Variants in PXDNL observed in about 807,000 individuals in gnomAD.
The protein encoded by PXDNL is peroxidasin like.
A neutral mutation model predicts 150.8 loss-of-function variants in PXDNL; 145 were observed. The ratio of observed to expected loss-of-function variants is 0.96; its 90% CI spans 0.84 to 1.10. The LOEUF is 1.10. Among genes scored for constraint, PXDNL ranks in the 50% least tolerant of loss-of-function variants. The pLI, the probability that PXDNL is intolerant of heterozygous loss-of-function variation, is 0.00. For synonymous variants in PXDNL, 757 were observed against 725.7 expected, an observed-to-expected ratio of 1.04 and a Z score of -0.69; for missense variants, 2,087 against 1,873.9, an observed-to-expected ratio of 1.11 and a Z score of -2.10.
At position 51,652,462 on chromosome 8, in the gene PXDNL, A is replaced by AAC. The variant is rs376242532; in HGVS notation, c.236+2225_236+2226dup. ...TCTCACACACACACACACACACACA[A>AAC]ACACACACACACACACACACCAACC... On this transcript the variant is annotated intron_variant, in intron 2 of 22. Coordinates refer to ENST00000356297, the MANE Select transcript of PXDNL (RefSeq NM_144651.5). Among the ~76,000 whole-genome samples, 446 of 130,890 alleles carry AAC rather than the reference A, an allele frequency of 3.4e-3. 3 individuals carry two copies. Among genetic ancestry groups the AAC allele is most frequent in the South Asian group, 0.016 (68 of 4,240 alleles). 85.9% of individuals were successfully genotyped at this position (130,890 alleles called of 152,430 possible). A position where few individuals can be genotyped will look rare whatever the true frequency, so the allele number is the denominator to read the frequency against.
chr8:51,642,944 T>A (rs897769853), intron 2 of PXDNL, among the ~76,000 whole-genome samples: 3 of 152,166 alleles, frequency 2.0e-5, no homozygotes, highest in Non-Finnish European at 2.9e-5. Flanking sequence ...CATTCACAAT[T>A]GCTTCAAAGA....
chr8:51,587,633 A>G (rs80044531), intron 3 of PXDNL, among the ~76,000 whole-genome samples: 3,512 of 152,302 alleles, frequency 0.023, 63 homozygotes, highest in African/African-American at 0.049. Context: ...TATGTAATAT[A>G]AATACTTGTA....
At chr8:51,696,377 G>A (rs530918739) in intron 1 of PXDNL, among the ~76,000 whole-genome samples, 1 of 152,298 alleles carries the variant, frequency 6.6e-6, no homozygotes, top group Admixed American at 6.5e-5. Flanking sequence ...GCGGCCGTCT[G>A]CAAGCCAAGA....
At chr8:51,659,859 ATTT>A (rs1815230289) in intron 1 of PXDNL, among the ~76,000 whole-genome samples, 1 of 66,252 alleles carries the variant, frequency 1.5e-5, no homozygotes, top group African/African-American at 2.3e-4. Flanking sequence ...AAATTGCAGT[ATTT>A]ATTTATTTAT....
At chr8:51,743,941 A>AAGGAAG (rs1554511583) in intron 1 of PXDNL, among the ~76,000 whole-genome samples, 1 of 24,186 alleles carries the variant, frequency 4.1e-5, no homozygotes, top group African/African-American at 7.5e-5. Flanking sequence ...GGAAGGAAGG[A>AAGGAAG]GAGAAAGAGA....
chr8:51,643,061 G>A (rs1179346039), intron 2 of PXDNL, among the ~76,000 whole-genome samples: 1 of 152,192 alleles, frequency 6.6e-6, no homozygotes, highest in African/African-American at 2.4e-5. Flanking sequence ...ACAAATGGAA[G>A]AATATTCCAT....
intron 2 of PXDNL, among the ~76,000 whole-genome samples, chr8:51,632,049 A>G (rs1406115187): frequency 6.6e-6 from 1 of 152,134 alleles, no homozygotes; most frequent in Non-Finnish European, 1.5e-5. Context: ...CAAAAGGCAG[A>G]GAGCAGCAGA....
intron 3 of PXDNL, among the ~76,000 whole-genome samples, chr8:51,589,815 G>A (rs74375363): frequency 0.051 from 7,775 of 152,212 alleles, 463 homozygotes; most frequent in African/African-American, 0.15. Flanking sequence ...GAAAGATTTG[G>A]AAAATTTGCA....
chr8:51,370,041 C>T (rs1161784648), intron 19 of PXDNL, among the ~76,000 whole-genome samples: 11 of 152,294 alleles, frequency 7.2e-5, no homozygotes, highest in East Asian at 3.9e-4. Context: ...GGTGGCGGTG[C>T]GCACAGAGGA....
intron 1 of PXDNL, among the ~76,000 whole-genome samples, chr8:51,742,383 C>G (rs1437979481): frequency 2.0e-5 from 3 of 152,094 alleles, no homozygotes; most frequent in Non-Finnish European, 4.4e-5. Flanking sequence ...TGGGGGAGAA[C>G]AGTGTACACA....
At chr8:51,403,490 G>A (rs888426314) in intron 17 of PXDNL, among the ~76,000 whole-genome samples, 6 of 152,132 alleles carry the variant, frequency 3.9e-5, no homozygotes, top group African/African-American at 1.2e-4. Flanking sequence ...CTTCCCTGGC[G>A]CATCTTAATG....
chr8:51,582,967 T>C (rs778846801), intron 3 of PXDNL, among the ~76,000 whole-genome samples: 12 of 152,330 alleles, frequency 7.9e-5, no homozygotes, highest in Middle Eastern at 3.4e-3. Context: ...ATTTTATAAA[T>C]GTAGTGTTTC....
chr8:51,345,399 C>T (rs2130699775), intron 20 of PXDNL, among the ~76,000 whole-genome samples: 1 of 152,198 alleles, frequency 6.6e-6, no homozygotes. Context: ...AAAAATATTC[C>T]ATCTTGGTCA....
chr8:51,479,821 A>G (rs546141242), intron 6 of PXDNL, among the ~76,000 whole-genome samples: 28 of 152,298 alleles, frequency 1.8e-4, no homozygotes, highest in African/African-American at 6.7e-4. Flanking sequence ...ACTATGTTAT[A>G]TATCCATGTA....
At chr8:51,375,492 CA>C in intron 17 of PXDNL, among the ~76,000 whole-genome samples, 1 of 152,276 alleles carries the variant, frequency 6.6e-6, no homozygotes, top group African/African-American at 2.4e-5. Context: ...CTCTAAACTA[CA>C]AATAGTTTAG....
chr8:51,668,587 T>C (rs1347599401), intron 1 of PXDNL, among the ~76,000 whole-genome samples: 1 of 152,214 alleles, frequency 6.6e-6, no homozygotes, highest in East Asian at 1.9e-4. Context: ...GTCTACAACA[T>C]GTCTGTACAA....
chr8:51,603,432 A>G lies in PXDNL; in HGVS notation c.237-10734T>C, dbSNP rs531929803. Among the ~76,000 whole-genome samples, 4 of 152,116 alleles carry G rather than the reference A, an allele frequency of 2.6e-5. 1 individual carries two copies. In the South Asian group the frequency reaches 8.3e-4, roughly 32 times the overall value. ...TTGAAGTAGTCACCTTGTGTGTGCT[A>G]TGTAGTTCTTAATGAGTCTATTGAT... is the stretch of plus-strand genomic sequence containing the variant. On this transcript the variant is annotated intron_variant, in intron 2 of 22. Transcript: ENST00000356297.
chr8:51,409,662 C>G, intron 16 of PXDNL, 101 bp from the exon 17 acceptor site: 2 of 957,260 alleles, frequency 2.1e-6, no homozygotes, highest in Non-Finnish European at 3.0e-6. Flanking sequence ...ACCCCGCCCG[C>G]CCTGAGTGAA....
At chr8:51,570,958 C>T (rs1812920345) in intron 3 of PXDNL, among the ~76,000 whole-genome samples, 1 of 151,742 alleles carries the variant, frequency 6.6e-6, no homozygotes, top group Non-Finnish European at 1.5e-5. Flanking sequence ...TGGGGGCAAA[C>T]TGAAGTTTCT....
Sources: allele counts gnomAD v4.1 joint callset (sites outside exome capture counted in the v4.1 genomes callset), GRCh38; gene constraint gnomAD v4.1.1; transcripts MANE v1.5; gene names NCBI Gene and HGNC (gene_info 2026-07-23, HGNC 2026-07-21).